Variants in MELK observed in about 807,000 individuals in gnomAD.
MELK encodes the protein maternal embryonic leucine zipper kinase.
A neutral mutation model predicts 85.0 loss-of-function variants in MELK; 81 were observed. That is an observed-to-expected ratio of 0.95 (90% CI 0.80 to 1.15). MELK has a LOEUF of 1.15. MELK is among the 50% of genes most tolerant of loss of function. The pLI is 0.00. For missense variants in MELK, 754 were observed against 777.5 expected (o/e 0.97, Z 0.36); for synonymous variants, 252 against 265.0 (o/e 0.95, Z 0.48).
intron 8 of MELK, among the ~76,000 whole-genome samples, chr9:36,622,317 G>T (rs1334762041): frequency 6.6e-6 from 1 of 152,170 alleles, no homozygotes; most frequent in Admixed American, 6.5e-5. Context: ...CGTATCACTT[G>T]CATGCAGTAT....
At chr9:36,594,531 A>T in intron 4 of MELK, 97 bp from the exon 5 acceptor site, 1 of 1,402,676 alleles carries the variant, frequency 7.1e-7, no homozygotes, top group Non-Finnish European at 9.8e-7. Context: ...AAGTCGAATT[A>T]ATAATATCTC....
intron 8 of MELK, among the ~76,000 whole-genome samples, chr9:36,626,841 C>G (rs1309989681): frequency 1.3e-5 from 2 of 151,770 alleles, no homozygotes; most frequent in Non-Finnish European, 2.9e-5. Flanking sequence ...CACCCGTAAT[C>G]CCAGCTACTC....
In MELK at chr9:36,665,533, AAG is replaced by A; in HGVS notation, c.1366_1367del (p.Glu456AsnfsTer15). 1.9e-6 allele frequency: 3 copies of A among 1,613,948 alleles called. No individual in the cohort carries two copies. The highest frequency in any genetic ancestry group is 2.5e-6 in the Non-Finnish European group (3 of 1,179,900). On this transcript the variant is annotated frameshift_variant, in exon 14 of 18. Coordinates refer to ENST00000298048, the MANE Select transcript of MELK (RefSeq NM_014791.4). LOFTEE classifies it high-confidence loss of function. ...PKTPVNKNQH[K>X]REILTTPNRY... ...GACTCCAGTTAATAAGAACCAGCAT[AAG>A]AGAGAAATACTCACTACGCCAAATC...
At chr9:36,573,838 A>G (rs1821355583) in intron 1 of MELK, among the ~76,000 whole-genome samples, 1 of 152,148 alleles carries the variant, frequency 6.6e-6, no homozygotes, top group Non-Finnish European at 1.5e-5. Flanking sequence ...ATGCTGTATC[A>G]GTAATAGGAG....
Position 36,592,632 on chromosome 9 carries a change from C to T in MELK, c.262-1996C>T, listed in dbSNP as rs142029424. 1.7e-3 allele frequency among the ~76,000 whole-genome samples: 254 copies of T among 152,120 alleles called. 1 individual carries two copies. The highest frequency in any genetic ancestry group is 5.8e-3 in the African/African-American group (240 of 41,510). ...AATGGTCACAAATTATTACTTTGCA[C>T]CTTGTTTTTTTCCCAGGTAACAATT... On this transcript the variant is annotated intron_variant, in intron 4 of 17. Transcript: ENST00000298048.
intron 9 of MELK, among the ~76,000 whole-genome samples, chr9:36,630,947 C>T (rs1021155687): frequency 1.3e-4 from 20 of 150,006 alleles, no homozygotes; most frequent in Non-Finnish European, 2.5e-4. Context: ...AGCCTCTACA[C>T]CTGGCCCCAG....
At chr9:36,592,681 A>T (rs951632056) in intron 4 of MELK, among the ~76,000 whole-genome samples, 2 of 152,170 alleles carry the variant, frequency 1.3e-5, no homozygotes, top group Non-Finnish European at 2.9e-5. Context: ...ATCTGAGCAC[A>T]TTCAGATATT....
intron 6 of MELK, among the ~76,000 whole-genome samples, chr9:36,597,575 C>G (rs914446181): frequency 6.6e-6 from 1 of 152,158 alleles, no homozygotes; most frequent in South Asian, 2.1e-4. Flanking sequence ...GAGGCTATTA[C>G]AGCAAGAATG....
At chr9:36,634,783 G>C (rs574298893) in intron 10 of MELK, among the ~76,000 whole-genome samples, 51 of 152,084 alleles carry the variant, frequency 3.4e-4, no homozygotes, top group African/African-American at 1.2e-3. Flanking sequence ...TAGATTATGA[G>C]GTCAGGAGTT....
chr9:36,573,365 TTC>T (rs1324313967), intron 1 of MELK, among the ~76,000 whole-genome samples: 2 of 152,184 alleles, frequency 1.3e-5, no homozygotes, highest in African/African-American at 2.4e-5. Context: ...TTCGAGTTTT[TTC>T]TGTTTGTACA....
chr9:36,645,421 G>C (rs189373326), intron 11 of MELK, among the ~76,000 whole-genome samples: 9 of 152,090 alleles, frequency 5.9e-5, no homozygotes, highest in African/African-American at 2.2e-4. Flanking sequence ...ACATAACAAA[G>C]CATAGTAGAA....
chr9:36,674,707 A>G, intron 16 of MELK, 127 bp from the exon 17 acceptor site: 1 of 488,618 alleles, frequency 2.0e-6, no homozygotes, highest in Non-Finnish European at 3.6e-6. Flanking sequence ...TTCCTTTGAT[A>G]TTTTTTAGGA....
At chr9:36,647,922 C>T (rs985129243) in intron 11 of MELK, among the ~76,000 whole-genome samples, 2 of 152,082 alleles carry the variant, frequency 1.3e-5, no homozygotes, top group African/African-American at 4.8e-5. Flanking sequence ...AAAGCATATA[C>T]TATGATCGTG....
chr9:36,635,157 G>T (rs1183623062), intron 10 of MELK, among the ~76,000 whole-genome samples: 2 of 152,034 alleles, frequency 1.3e-5, no homozygotes, highest in Non-Finnish European at 2.9e-5. Flanking sequence ...ATTGAAACTG[G>T]CTTCTTTTCG....
At chr9:36,664,897 C>G (rs1832185324) in intron 13 of MELK, among the ~76,000 whole-genome samples, 1 of 152,202 alleles carries the variant, frequency 6.6e-6, no homozygotes, top group African/African-American at 2.4e-5. Flanking sequence ...ATTTTACTTA[C>G]TCTCTTGCAA....
chr9:36,651,203 G>A (rs142900561), intron 11 of MELK, among the ~76,000 whole-genome samples: 8 of 152,126 alleles, frequency 5.3e-5, no homozygotes, highest in African/African-American at 1.9e-4. Context: ...AAAGGCAGGC[G>A]TCTCCCAGGA....
intron 8 of MELK, among the ~76,000 whole-genome samples, chr9:36,615,254 C>T (rs1490679537): frequency 7.6e-6 from 1 of 131,444 alleles, no homozygotes; most frequent in African/African-American, 3.2e-5. Flanking sequence ...GGGCTGACCC[C>T]CCCACCTCCC....
At position 36,581,781 on chromosome 9, in the gene MELK, A is replaced by C. The variant is rs201459615; in HGVS notation, c.58+42A>C. 2.6e-3 allele frequency: 3,799 copies of C among 1,469,686 alleles called. 6 individuals carry two copies. The highest frequency in any genetic ancestry group is 3.2e-3 in the Non-Finnish European group (3,371 of 1,057,024). The allele number at this position is 1,469,686 out of a possible 1,614,324, so 91.0% of individuals were successfully genotyped here. ...TTTGGAGGCAGTGGATAGATCAACT[A>C]TTTGAGAGTATAGATTATTTGGGTA... On this transcript the variant is annotated intron_variant, in intron 2 of 17. Coordinates refer to ENST00000298048, the MANE Select transcript of MELK (RefSeq NM_014791.4).
chr9:36,646,852 C>T (rs1259443758), intron 11 of MELK, among the ~76,000 whole-genome samples: 1 of 152,236 alleles, frequency 6.6e-6, no homozygotes, highest in Non-Finnish European at 1.5e-5. Flanking sequence ...CAGGACACCT[C>T]TTTAACATTT....
Sources: allele counts gnomAD v4.1 joint callset (sites outside exome capture counted in the v4.1 genomes callset), GRCh38; gene constraint gnomAD v4.1.1; transcripts MANE v1.5; gene names NCBI Gene and HGNC (gene_info 2026-07-23, HGNC 2026-07-21).